PPIG: variants seen among roughly 807,000 people sequenced by gnomAD.
PPIG encodes the protein peptidyl-prolyl cis-trans isomerase G.
Under a neutral mutation model 87.9 loss-of-function variants are expected in PPIG, and 26 were observed. The ratio of observed to expected loss-of-function variants is 0.30; its 90% CI spans 0.22 to 0.41. PPIG has a LOEUF of 0.41. PPIG is among the 10% of genes least tolerant of loss of function. PPIG has a pLI of 1.00. For missense variants in PPIG, 722 were observed against 879.4 expected (o/e 0.82, Z 2.26); for synonymous variants, 308 against 276.5 (o/e 1.11, Z -1.13).
chr2:169,585,574 T>A (rs1684678393), intron 1 of PPIG, among the ~76,000 whole-genome samples: 1 of 152,132 alleles, frequency 6.6e-6, no homozygotes, highest in Non-Finnish European at 1.5e-5. Context: ...ATGTTTAGTC[T>A]TAAGGAGCAA....
At chr2:169,625,994 C>T (rs1369969411) in intron 9 of PPIG, among the ~76,000 whole-genome samples, 2 of 152,166 alleles carry the variant, frequency 1.3e-5, no homozygotes, top group African/African-American at 4.8e-5. Flanking sequence ...TTGCCTGCCA[C>T]TCACCTTCTG....
At chr2:169,584,948 C>T (rs374151257) in intron 1 of PPIG, 1 of 197,848 alleles carries the variant, frequency 5.1e-6, no homozygotes, top group South Asian at 7.0e-5. Flanking sequence ...GACGTCCTGT[C>T]AGGCTAGGGT....
intron 7 of PPIG, among the ~76,000 whole-genome samples, chr2:169,613,246 A>G (rs1309615145): frequency 6.6e-6 from 1 of 152,208 alleles, no homozygotes. Context: ...AGTGAGTTGA[A>G]GTGAGCATAG....
At chr2:169,631,712 C>T (rs377099226) in intron 10 of PPIG, 54 bp from the exon 11 acceptor site, 9 of 1,610,484 alleles carry the variant, frequency 5.6e-6, no homozygotes, top group African/African-American at 5.4e-5. Context: ...TGGATACTTC[C>T]GTAAGGACAT....
At chr2:169,603,114 ATTAT>A (rs1338970172) in intron 1 of PPIG, among the ~76,000 whole-genome samples, 1 of 152,176 alleles carries the variant, frequency 6.6e-6, no homozygotes, top group Admixed American at 6.5e-5. Context: ...AGATATATTA[ATTAT>A]TTTTAATAAA....
intron 9 of PPIG, among the ~76,000 whole-genome samples, chr2:169,624,057 C>G (rs148919218): frequency 6.6e-6 from 1 of 152,114 alleles, no homozygotes; most frequent in African/African-American, 2.4e-5. Flanking sequence ...ACCTCGAACT[C>G]CTGGGTTCAG....
chr2:169,593,895 T>A (rs972278547), intron 1 of PPIG, among the ~76,000 whole-genome samples: 1 of 151,490 alleles, frequency 6.6e-6, no homozygotes, highest in Non-Finnish European at 1.5e-5. Flanking sequence ...GACCTTGTGA[T>A]CTGCCTGCCT....
intron 1 of PPIG, among the ~76,000 whole-genome samples, chr2:169,588,384 T>C (rs532362858): frequency 1.3e-5 from 2 of 152,304 alleles, no homozygotes; most frequent in Non-Finnish European, 2.9e-5. Context: ...ACCGTGAAAT[T>C]GTAGAAAGTA....
At chr2:169,602,015 A>G (rs1685197279) in intron 1 of PPIG, among the ~76,000 whole-genome samples, 1 of 152,210 alleles carries the variant, frequency 6.6e-6, no homozygotes, top group Non-Finnish European at 1.5e-5. Flanking sequence ...CCAAAATGTA[A>G]ACTTTCTGAG....
intron 1 of PPIG, among the ~76,000 whole-genome samples, chr2:169,585,266 T>TA (rs1162807613): frequency 4.9e-4 from 37 of 75,600 alleles, no homozygotes; most frequent in African/African-American, 1.7e-3. Context: ...GGTTCTTGGT[T>TA]AGTCTTTTTT....
At chr2:169,614,097 C>T (rs1190893179) in intron 7 of PPIG, among the ~76,000 whole-genome samples, 1 of 152,148 alleles carries the variant, frequency 6.6e-6, no homozygotes, top group Non-Finnish European at 1.5e-5. Context: ...GGAATTGTTT[C>T]ATAAATTTTG....
intron 6 of PPIG, among the ~76,000 whole-genome samples, chr2:169,607,467 A>G (rs993137253): frequency 2.0e-5 from 3 of 152,114 alleles, no homozygotes; most frequent in African/African-American, 7.2e-5. Flanking sequence ...TATTTCTTAC[A>G]ACATCCAAAT....
At position 169,584,371 on chromosome 2, in the gene PPIG, C is replaced by T; in HGVS notation, c.-189C>T. 1 of 471,152 alleles carries T rather than the reference C, an allele frequency of 2.1e-6. No homozygotes were observed. The highest frequency in any genetic ancestry group is 4.4e-6 in the Non-Finnish European group (1 of 227,054). 29.2% of individuals were successfully genotyped at this position (471,152 alleles called of 1,614,324 possible). On this transcript the variant is annotated 5_prime_UTR_variant, in exon 1 of 14. Coordinates refer to ENST00000260970, the MANE Select transcript of PPIG (RefSeq NM_004792.3). ...CCGGTGCGACGCTGTCTCTCCATGC[C>T]AGGACTGAGTTGTGGGGGAGGGAGG...
At chr2:169,600,086 T>C (rs1685138148) in intron 1 of PPIG, among the ~76,000 whole-genome samples, 1 of 151,882 alleles carries the variant, frequency 6.6e-6, no homozygotes, top group African/African-American at 2.4e-5. Flanking sequence ...AAATTTTTTT[T>C]TTTTTTTTGA....
rs771113239 is a variant in PPIG at position 169,641,179 on chromosome 2, T to G, written c.*3656T>G. The G allele has an allele frequency of 7.9e-5, 12 of 152,308 alleles. No homozygotes were observed. The highest frequency in any genetic ancestry group is 1.3e-4 in the Non-Finnish European group (9 of 68,014). The allele number at this position is 152,308 out of a possible 1,614,324, so 9.4% of individuals were successfully genotyped here. ...AAAAACATAAATGAAGTTAATGCAC[T>G]TCTTTTCCTAGCCCAAAAGTCACTG... On this transcript the variant is annotated 3_prime_UTR_variant, in exon 14 of 14. Coordinates refer to ENST00000260970, the MANE Select transcript of PPIG (RefSeq NM_004792.3).
At chr2:169,586,132 TAAAC>T (rs72459046) in intron 1 of PPIG, among the ~76,000 whole-genome samples, 18,212 of 152,142 alleles carry the variant, frequency 0.12, 1,345 homozygotes, top group Non-Finnish European at 0.18. Flanking sequence ...TTCTGTGTCT[TAAAC>T]AAGAGTTCAT....
chr2:169,606,042 A>G lies in PPIG; in HGVS notation c.140A>G (p.Glu47Gly). 6.2e-7 allele frequency: 1 copy of G among 1,605,932 alleles called. No homozygotes were observed. Among genetic ancestry groups the G allele is most frequent in the East Asian group, 2.2e-5 (1 of 44,796 alleles). ...CENFRCLCTG[E>G]KGTGKSTQKP... The stretch of plus-strand genomic sequence containing the variant: ...TCCTATTTTTTTATCTCTATAGGTG[A>G]AAAGGGGACCGGGAAATCAACTCAG... The change falls in exon 5 of 14, where the codon GAA (glutamate) becomes GGA (glycine). Residue 47 changes from glutamate (E) to glycine (G), a missense_variant. Glu to Gly is a moderately conservative substitution (Grantham distance 98, BLOSUM62 -2). This residue lies in a region of PPIG where 99 missense variants were observed against 215.8 expected (regional missense o/e 0.46). Transcript: ENST00000260970.
intron 1 of PPIG, among the ~76,000 whole-genome samples, chr2:169,601,254 G>A (rs1057093841): frequency 1.1e-4 from 16 of 152,058 alleles, no homozygotes; most frequent in Non-Finnish European, 2.9e-5. Flanking sequence ...TGTTGTTACT[G>A]CAATTTTACA....
At chr2:169,631,066 A>T (rs1686038520) in intron 10 of PPIG, 79 bp downstream of exon 10, 4 of 1,259,196 alleles carry the variant, frequency 3.2e-6, no homozygotes, top group Non-Finnish European at 4.4e-6. Flanking sequence ...TGGGTCAATT[A>T]TATGAAACTG....
Sources: gnomAD v4.1 joint callset for allele counts (sites outside exome capture counted in the v4.1 genomes callset) on GRCh38, gnomAD v4.1.1 for gene constraint, gnomAD v4.1.1 regional missense constraint, MANE v1.5 for transcripts, NCBI Gene and HGNC (gene_info 2026-07-23, HGNC 2026-07-21) for gene names.